The following CYTH3 variants were observed in gnomAD, a reference collection of about 807,000 sequenced individuals.
The protein encoded by CYTH3 is cytohesin-3.
Under a neutral mutation model 55.1 loss-of-function variants are expected in CYTH3, and 23 were observed. The ratio of observed to expected loss-of-function variants is 0.42; its 90% CI spans 0.30 to 0.59. The LOEUF (loss-of-function observed/expected upper bound fraction) is 0.59, where lower values mean the gene tolerates loss of function less well. Among genes scored for constraint, CYTH3 ranks in the 20% least tolerant of loss-of-function variants. The pLI is 0.20. For synonymous variants in CYTH3, 249 were observed against 194.9 expected (o/e 1.28, Z -2.31); for missense variants, 413 against 524.8 (o/e 0.79, Z 2.08).
chr7:6,249,333 T>C (rs920224436), intron 1 of CYTH3, among the ~76,000 whole-genome samples: 2 of 152,208 alleles, frequency 1.3e-5, no homozygotes, highest in African/African-American at 4.8e-5. Context: ...TACACACCCA[T>C]TGAGTTCCAA....
intron 9 of CYTH3, 117 bp from the exon 10 acceptor site, chr7:6,165,927 G>C (rs1014599002): frequency 2.7e-5 from 28 of 1,018,496 alleles, no homozygotes; most frequent in Non-Finnish European, 3.4e-5. Flanking sequence ...CCAGGCGCCA[G>C]GCTTGGGTTC....
intron 1 of CYTH3, among the ~76,000 whole-genome samples, chr7:6,244,367 G>A (rs894922622): frequency 1.3e-5 from 2 of 152,196 alleles, no homozygotes; most frequent in South Asian, 2.1e-4. Context: ...CAGACTAATT[G>A]CTTTTAGAAT....
chr7:6,201,942 G>A (rs139527131), intron 1 of CYTH3, among the ~76,000 whole-genome samples: 20 of 152,236 alleles, frequency 1.3e-4, no homozygotes, highest in African/African-American at 4.3e-4. Flanking sequence ...ACAACTGTTA[G>A]AAATACAAAA....
chr7:6,255,771 T>G (rs1285785699), intron 1 of CYTH3, among the ~76,000 whole-genome samples: 2 of 146,054 alleles, frequency 1.4e-5, no homozygotes, highest in Non-Finnish European at 3.0e-5. Context: ...TTTTTTTTTT[T>G]TTTTTTTTTT....
chr7:6,210,631 C>CA, intron 1 of CYTH3, among the ~76,000 whole-genome samples: 1 of 152,302 alleles, frequency 6.6e-6, no homozygotes, highest in East Asian at 1.9e-4. Flanking sequence ...AAATCTAAGA[C>CA]AGAGTTCATG....
chr7:6,215,129 A>C (rs1258027998), intron 1 of CYTH3, among the ~76,000 whole-genome samples: 1 of 152,154 alleles, frequency 6.6e-6, no homozygotes, highest in Admixed American at 6.5e-5. Flanking sequence ...TTAAAACGCC[A>C]CTCCACAACA....
intron 1 of CYTH3, among the ~76,000 whole-genome samples, chr7:6,207,406 C>A (rs1784219387): frequency 6.6e-6 from 1 of 152,098 alleles, no homozygotes; most frequent in African/African-American, 2.4e-5. Context: ...AAATGTGCAT[C>A]TTAGAATCAG....
intron 1 of CYTH3, among the ~76,000 whole-genome samples, chr7:6,216,825 T>A (rs907716530): frequency 1.9e-4 from 21 of 108,958 alleles, no homozygotes; most frequent in African/African-American, 6.6e-4. Flanking sequence ...AATCTTCAAG[T>A]AACTCACAGG....
At chr7:6,245,626 C>T (rs540132609) in intron 1 of CYTH3, among the ~76,000 whole-genome samples, 8 of 152,310 alleles carry the variant, frequency 5.3e-5, no homozygotes, top group Admixed American at 2.6e-4. Flanking sequence ...GTTTGGGGGC[C>T]GGGCATGGCA....
chr7:6,176,925 G>A (rs1783366627), intron 5 of CYTH3, among the ~76,000 whole-genome samples: 1 of 152,216 alleles, frequency 6.6e-6, no homozygotes, highest in East Asian at 1.9e-4. Context: ...TTATCGTGAA[G>A]GAGTTTTGAG....
chr7:6,231,187 C>G (rs1779384318), intron 1 of CYTH3, among the ~76,000 whole-genome samples: 1 of 152,234 alleles, frequency 6.6e-6, no homozygotes, highest in Non-Finnish European at 1.5e-5. Flanking sequence ...TTCTGCCCTC[C>G]TCACGCTTTC....
In CYTH3 at chr7:6,222,236, G is replaced by A. The variant is rs150012899; in HGVS notation, c.35-31705C>T. On this transcript the variant is annotated intron_variant, in intron 1 of 12. Transcript: ENST00000350796. ...AGACTTCCAAAGGCAGAGATGTCAAGGGACATCACGGAAGGAAGATTAGGG... is the reference window on the plus strand; with the variant it reads ...AGACTTCCAAAGGCAGAGATGTCAAAGGACATCACGGAAGGAAGATTAGGG... Among the ~76,000 whole-genome samples, 12 of 152,292 alleles carry A rather than the reference G, an allele frequency of 7.9e-5. No homozygotes were observed. The East Asian group carries it at 2.3e-3, about 29-fold the overall frequency.
At chr7:6,228,832 C>T (rs772221784) in intron 1 of CYTH3, among the ~76,000 whole-genome samples, 5 of 152,192 alleles carry the variant, frequency 3.3e-5, no homozygotes, top group African/African-American at 1.2e-4. Flanking sequence ...ATCTTATCTT[C>T]TTTTCCTTTA....
chr7:6,270,747 A>T (rs2115074425), intron 1 of CYTH3, among the ~76,000 whole-genome samples: 1 of 152,322 alleles, frequency 6.6e-6, no homozygotes, highest in South Asian at 2.1e-4. Flanking sequence ...CTTCCCTGTG[A>T]TATATTCCCA....
chr7:6,219,945 G>C (rs916042177), intron 1 of CYTH3, among the ~76,000 whole-genome samples: 2 of 152,140 alleles, frequency 1.3e-5, no homozygotes, highest in African/African-American at 2.4e-5. Context: ...TGTGGTGTTG[G>C]CAGAGGGATA....
At chr7:6,181,163 CTACT>C (rs1562882494) in intron 4 of CYTH3, among the ~76,000 whole-genome samples, 1 of 152,148 alleles carries the variant, frequency 6.6e-6, no homozygotes, top group Non-Finnish European at 1.5e-5. Context: ...TTCCCCCTTG[CTACT>C]TAAATACTGA....
chr7:6,205,091 G>C (rs1029115255), intron 1 of CYTH3, among the ~76,000 whole-genome samples: 16 of 152,136 alleles, frequency 1.1e-4, no homozygotes, highest in African/African-American at 3.9e-4. Context: ...CCTGAGCCTG[G>C]ACGGCCAAGG....
intron 2 of CYTH3, 86 bp downstream of exon 2, chr7:6,190,360 TTAC>T: frequency 3.1e-6 from 3 of 976,788 alleles, no homozygotes; most frequent in Non-Finnish European, 2.8e-6. Flanking sequence ...TTTTTTTTTT[TTAC>T]ATTTTTGTGA....
chr7:6,230,587 A>G (rs1562400332), intron 1 of CYTH3, among the ~76,000 whole-genome samples: 1 of 152,198 alleles, frequency 6.6e-6, no homozygotes, highest in South Asian at 2.1e-4. Context: ...AAAAAAATGT[A>G]AGAGACCTAA....
Sources: gnomAD v4.1 joint callset for allele counts (sites outside exome capture counted in the v4.1 genomes callset) on GRCh38, gnomAD v4.1.1 for gene constraint, MANE v1.5 for transcripts, NCBI Gene and HGNC (gene_info 2026-07-23, HGNC 2026-07-21) for gene names.